ATG10: variants seen among roughly 807,000 people sequenced by gnomAD.
The protein encoded by ATG10 is autophagy related 10.
Under a neutral mutation model 32.1 loss-of-function variants are expected in ATG10, and 30 were observed. The observed-to-expected ratio is 0.94, with a 90% confidence interval of 0.70 to 1.27. The LOEUF is 1.27. Among genes scored for constraint, ATG10 ranks in the 50% most tolerant of loss-of-function variants. The pLI, the probability that ATG10 is intolerant of heterozygous loss-of-function variation, is 0.00. For missense variants in ATG10, 233 were observed against 262.3 expected (o/e 0.89, Z 0.77); for synonymous variants, 87 against 91.5 (o/e 0.95, Z 0.28).
chr5:82,000,696 G>A (rs186615935), intron 2 of ATG10, among the ~76,000 whole-genome samples: 91 of 151,972 alleles, frequency 6.0e-4, no homozygotes, highest in Admixed American at 5.4e-3. Context: ...AGTCTCTGTC[G>A]CCCAGGCTGG....
chr5:81,992,480 C>A (rs997305702), intron 2 of ATG10: 48 of 151,972 alleles, frequency 3.2e-4, no homozygotes, highest in African/African-American at 9.7e-4. Context: ...TGGCTCGCCA[C>A]AACCTCTGCC....
chr5:82,147,430 A>G (rs537199909), intron 3 of ATG10: 3 of 152,532 alleles, frequency 2.0e-5, no homozygotes, highest in African/African-American at 4.8e-5. Context: ...TCAGCCTCCC[A>G]AAGTGCTGAG....
chr5:82,197,766 CTATCTA>C (rs1158231620), intron 5 of ATG10, among the ~76,000 whole-genome samples: 2 of 146,846 alleles, frequency 1.4e-5, no homozygotes, highest in African/African-American at 2.6e-5. Context: ...ATCTATCTAT[CTATCTA>C]TCTCTATAGA....
chr5:82,069,741 A>G (rs557644318), intron 3 of ATG10, among the ~76,000 whole-genome samples: 1 of 152,304 alleles, frequency 6.6e-6, no homozygotes, highest in Admixed American at 6.5e-5. Context: ...TCAGTTTATT[A>G]TCTATTTTAT....
At chr5:82,138,553 C>G (rs955926101) in intron 3 of ATG10, among the ~76,000 whole-genome samples, 7 of 151,974 alleles carry the variant, frequency 4.6e-5, no homozygotes, top group African/African-American at 1.7e-4. Context: ...GGGCTGCACC[C>G]ACTCTCTAAC....
intron 3 of ATG10, among the ~76,000 whole-genome samples, chr5:82,097,993 C>G (rs1327185032): frequency 1.3e-5 from 2 of 152,138 alleles, no homozygotes; most frequent in East Asian, 3.8e-4. Context: ...TCTTGTTTCC[C>G]CCTGTGACGT....
intron 3 of ATG10, among the ~76,000 whole-genome samples, chr5:82,139,569 C>CAG (rs1431508769): frequency 1.0e-4 from 15 of 147,498 alleles, no homozygotes; most frequent in South Asian, 2.2e-4. Context: ...CTCTGCCCGG[C>CAG]CGCCCCGTCT....
intron 5 of ATG10, among the ~76,000 whole-genome samples, chr5:82,214,585 G>T (rs560177449): frequency 2.0e-5 from 3 of 152,156 alleles, no homozygotes; most frequent in Non-Finnish European, 2.9e-5. Flanking sequence ...ATGTGTAAAA[G>T]AATTTGAGAA....
chr5:82,120,580 T>C (rs1043031091), intron 3 of ATG10, among the ~76,000 whole-genome samples: 5 of 152,202 alleles, frequency 3.3e-5, no homozygotes, highest in African/African-American at 1.2e-4. Context: ...AATAGCTTTT[T>C]CCCTGATTTC....
chr5:82,239,116 G>A (rs1000509310), intron 5 of ATG10, among the ~76,000 whole-genome samples: 1 of 152,172 alleles, frequency 6.6e-6, no homozygotes, highest in Non-Finnish European at 1.5e-5. Context: ...TGAGAAAACA[G>A]ATACTGAAGT....
At chr5:82,028,302 G>T (rs552119801) in intron 2 of ATG10, among the ~76,000 whole-genome samples, 2 of 152,244 alleles carry the variant, frequency 1.3e-5, no homozygotes, top group African/African-American at 2.4e-5. Context: ...TTCCTAAAGA[G>T]AAATTCTTGG....
In ATG10 at chr5:82,026,208, C is replaced by T. The variant is rs552214055; in HGVS notation, c.109-32287C>T. On this transcript the variant is annotated intron_variant, in intron 2 of 7. Transcript: ENST00000282185. ...ATGTCTCTGTGAATTTGACTACTTT[C>T]GGTAACTCATATAAATGGATTCATA... Among the ~76,000 whole-genome samples the T allele has an allele frequency of 2.9e-4, 44 of 152,140 alleles. 1 individual carries two copies. The highest frequency in any genetic ancestry group is 5.9e-5 in the Non-Finnish European group (4 of 68,006).
At chr5:82,035,610 T>G (rs1261212502) in intron 2 of ATG10, among the ~76,000 whole-genome samples, 1 of 152,022 alleles carries the variant, frequency 6.6e-6, no homozygotes, top group Non-Finnish European at 1.5e-5. Context: ...ATTTTCCTTA[T>G]TAATACTAAT....
At chr5:82,136,925 T>C (rs1301819855) in intron 3 of ATG10, among the ~76,000 whole-genome samples, 1 of 152,138 alleles carries the variant, frequency 6.6e-6, no homozygotes, top group Non-Finnish European at 1.5e-5. Flanking sequence ...ATTCTTTTTC[T>C]CTAATCTTGT....
chr5:82,057,644 G>A (rs1188267556), intron 2 of ATG10, among the ~76,000 whole-genome samples: 2 of 152,136 alleles, frequency 1.3e-5, no homozygotes, highest in African/African-American at 4.8e-5. Context: ...ATGTATGTTT[G>A]TTCTTGGGGA....
intron 5 of ATG10, among the ~76,000 whole-genome samples, chr5:82,185,938 A>G (rs182975932): frequency 6.6e-6 from 1 of 152,310 alleles, no homozygotes; most frequent in Admixed American, 6.5e-5. Context: ...ATTTTAAATA[A>G]TACAAATCAA....
At chr5:82,036,412 G>C (rs1354848116) in intron 2 of ATG10, among the ~76,000 whole-genome samples, 1 of 152,096 alleles carries the variant, frequency 6.6e-6, no homozygotes, top group East Asian at 1.9e-4. Flanking sequence ...TGGCCAACAT[G>C]ATGAAACCCC....
At chr5:82,102,176 C>T (rs1373992337) in intron 3 of ATG10, among the ~76,000 whole-genome samples, 1 of 152,144 alleles carries the variant, frequency 6.6e-6, no homozygotes, top group African/African-American at 2.4e-5. Context: ...ATTTGTGGCA[C>T]ATGAAATGTA....
At chr5:82,182,426 C>T (rs181231374) in intron 5 of ATG10, among the ~76,000 whole-genome samples, 96 of 151,978 alleles carry the variant, frequency 6.3e-4, no homozygotes, top group South Asian at 1.0e-3. Context: ...CATGAATGTT[C>T]GTATCAGTTT....
Sources: allele counts gnomAD v4.1 joint callset (sites outside exome capture counted in the v4.1 genomes callset), GRCh38; gene constraint gnomAD v4.1.1; transcripts MANE v1.5; gene names NCBI Gene and HGNC (gene_info 2026-07-23, HGNC 2026-07-21).